EPHA6: variants seen among roughly 807,000 people sequenced by gnomAD.
The protein encoded by EPHA6 is EPH receptor A6.
In EPHA6, 50 loss-of-function variants were observed where a neutral mutation model predicts 112.0. The ratio of observed to expected loss-of-function variants is 0.45; its 90% CI spans 0.36 to 0.56. The LOEUF is 0.56. EPHA6 is among the 20% of genes least tolerant of loss of function. The pLI is 0.00. For synonymous variants in EPHA6, 529 were observed against 490.7 expected (o/e 1.08, Z -1.03); for missense variants, 1,280 against 1,417.4 (o/e 0.90, Z 1.56).
chr3:97,203,827 T>C (rs1304387260), intron 3 of EPHA6, among the ~76,000 whole-genome samples: 1 of 152,182 alleles, frequency 6.6e-6, no homozygotes, highest in African/African-American at 2.4e-5. Flanking sequence ...CTTAAAATGT[T>C]CATTACCCCA....
intron 2 of EPHA6, among the ~76,000 whole-genome samples, chr3:96,932,607 A>C (rs1010853550): frequency 2.6e-5 from 4 of 152,178 alleles, no homozygotes; most frequent in Admixed American, 1.3e-4. Flanking sequence ...TCCTGTAACC[A>C]AACCCAGGTT....
intron 5 of EPHA6, among the ~76,000 whole-genome samples, chr3:97,299,130 T>G (rs1385744753): frequency 6.6e-6 from 1 of 151,914 alleles, no homozygotes; most frequent in Non-Finnish European, 1.5e-5. Flanking sequence ...AAACTTCAGT[T>G]TCTCTTAAAA....
At chr3:97,604,650 A>G (rs936773823) in intron 12 of EPHA6, among the ~76,000 whole-genome samples, 8 of 151,640 alleles carry the variant, frequency 5.3e-5, no homozygotes, top group African/African-American at 1.5e-4. Context: ...ATTATTTCAA[A>G]AAGTTTATGT....
chr3:96,972,923 A>G (rs1238162832), intron 2 of EPHA6, among the ~76,000 whole-genome samples: 7 of 152,200 alleles, frequency 4.6e-5, no homozygotes, highest in African/African-American at 1.4e-4. Context: ...TGAGAGATTT[A>G]TGTAAGAACT....
rs1462485797 is a variant in EPHA6 at position 97,754,307 on chromosome 3, C to T, written c.*5606C>T. On this transcript the variant is annotated 3_prime_UTR_variant, in exon 18 of 18. Transcript: ENST00000389672. ...TTCTCCATGTTGGTTAGGCTGGTCT[C>T]GAACTCCCGACCTCAGGTGATCTGC... 6.6e-6 allele frequency among the ~76,000 whole-genome samples: 1 copy of T among 152,068 alleles called. No individual in the cohort carries two copies. Among genetic ancestry groups the T allele is most frequent in the South Asian group, 2.1e-4 (1 of 4,822 alleles).
chr3:97,578,880 A>C (rs866795357), intron 11 of EPHA6, among the ~76,000 whole-genome samples: 19 of 152,226 alleles, frequency 1.2e-4, no homozygotes, highest in African/African-American at 4.1e-4. Flanking sequence ...AAATTTGGTC[A>C]GTCAATACTT....
chr3:97,604,658 T>C (rs576765675), intron 12 of EPHA6, among the ~76,000 whole-genome samples: 22 of 151,790 alleles, frequency 1.4e-4, no homozygotes, highest in African/African-American at 5.3e-4. Flanking sequence ...AAAAAGTTTA[T>C]GTAGAACATG....
At chr3:97,171,749 A>G (rs528225419) in intron 3 of EPHA6, among the ~76,000 whole-genome samples, 105 of 152,218 alleles carry the variant, frequency 6.9e-4, no homozygotes, top group African/African-American at 2.4e-3. Flanking sequence ...ATACCTGTCA[A>G]TTATGATTCC....
At chr3:97,420,848 A>C (rs961302744) in intron 6 of EPHA6, among the ~76,000 whole-genome samples, 1 of 118,112 alleles carries the variant, frequency 8.5e-6, no homozygotes, top group African/African-American at 7.1e-5. Context: ...CAAACAGACA[A>C]AAAAAAAAAA....
At chr3:96,869,226 T>C (rs552137108) in intron 2 of EPHA6, among the ~76,000 whole-genome samples, 2 of 152,124 alleles carry the variant, frequency 1.3e-5, no homozygotes, top group East Asian at 3.9e-4. Context: ...TCAAGGGGTA[T>C]TGAAGCACAG....
At chr3:96,979,621 G>A (rs568024302) in intron 2 of EPHA6, among the ~76,000 whole-genome samples, 15 of 152,252 alleles carry the variant, frequency 9.9e-5, no homozygotes, top group Admixed American at 2.6e-4. Context: ...TTGAGGGATC[G>A]CCACACTGTC....
intron 11 of EPHA6, among the ~76,000 whole-genome samples, chr3:97,578,011 G>T (rs563985650): frequency 1.3e-5 from 2 of 151,998 alleles, no homozygotes; most frequent in Non-Finnish European, 2.9e-5. Flanking sequence ...AGAAGAATAG[G>T]CTAGAACAGC....
intron 2 of EPHA6, among the ~76,000 whole-genome samples, chr3:96,985,052 C>T (rs2042965814): frequency 6.6e-6 from 1 of 152,182 alleles, no homozygotes; most frequent in Admixed American, 6.5e-5. Flanking sequence ...GCTGCACCCA[C>T]TGTCCTGCCC....
intron 5 of EPHA6, among the ~76,000 whole-genome samples, chr3:97,323,170 T>G (rs1022864958): frequency 6.6e-6 from 1 of 151,952 alleles, no homozygotes; most frequent in Non-Finnish European, 1.5e-5. Flanking sequence ...AGATATATGT[T>G]TCATATGTTT....
At chr3:97,136,196 A>G (rs1372126745) in intron 3 of EPHA6, among the ~76,000 whole-genome samples, 1 of 152,210 alleles carries the variant, frequency 6.6e-6, no homozygotes, top group African/African-American at 2.4e-5. Context: ...ACAAGTAACA[A>G]TAATTAATGG....
At chr3:97,697,589 C>T (rs1332696667) in intron 14 of EPHA6, among the ~76,000 whole-genome samples, 1 of 152,194 alleles carries the variant, frequency 6.6e-6, no homozygotes, top group African/African-American at 2.4e-5. Flanking sequence ...TTTATGCGTG[C>T]AATTTCAGTA....
At chr3:97,196,317 T>C (rs2108489069) in intron 3 of EPHA6, among the ~76,000 whole-genome samples, 1 of 152,070 alleles carries the variant, frequency 6.6e-6, no homozygotes, top group Admixed American at 6.6e-5. Context: ...CAAGAACTTC[T>C]GCTTGATTTT....
chr3:97,649,904 C>T (rs1279728379), intron 14 of EPHA6, among the ~76,000 whole-genome samples: 1 of 151,942 alleles, frequency 6.6e-6, no homozygotes, highest in Admixed American at 6.6e-5. Flanking sequence ...ACTAGGTTTC[C>T]TAAATTCACA....
chr3:97,165,534 C>G (rs1437748794), intron 3 of EPHA6, among the ~76,000 whole-genome samples: 1 of 151,988 alleles, frequency 6.6e-6, no homozygotes, highest in Non-Finnish European at 1.5e-5. Context: ...GTGTCTGGTT[C>G]TAAGAGTGAA....
Sources: allele counts gnomAD v4.1 joint callset (sites outside exome capture counted in the v4.1 genomes callset), GRCh38; gene constraint gnomAD v4.1.1; transcripts MANE v1.5; gene names NCBI Gene and HGNC (gene_info 2026-07-23, HGNC 2026-07-21).